The following CDH4 variants were observed in gnomAD, a reference collection of about 807,000 sequenced individuals.
The protein encoded by CDH4 is cadherin-4.
In CDH4, 33 loss-of-function variants were observed where a neutral mutation model predicts 86.0. The observed-to-expected ratio is 0.38, with a 90% CI of 0.29 to 0.51. The LOEUF (loss-of-function observed/expected upper bound fraction) is 0.51, where lower values mean the gene tolerates loss of function less well. CDH4 is among the 20% of genes least tolerant of loss of function. CDH4 has a pLI of 0.86. For synonymous variants in CDH4, 555 were observed against 549.4 expected, an observed-to-expected ratio of 1.01 and a Z score of -0.14; for missense variants, 1,114 against 1,307.4, an observed-to-expected ratio of 0.85 and a Z score of 2.28.
At chr20:61,883,089 C>T (rs939015641) in intron 7 of CDH4, among the ~76,000 whole-genome samples, 7 of 151,738 alleles carry the variant, frequency 4.6e-5, no homozygotes, top group Non-Finnish European at 8.8e-5. Flanking sequence ...CGGCCCCATT[C>T]CCCCGGCACC....
chr20:61,498,262 C>T (rs1463934870), intron 2 of CDH4, among the ~76,000 whole-genome samples: 1 of 151,878 alleles, frequency 6.6e-6, no homozygotes, highest in African/African-American at 2.4e-5. Flanking sequence ...CAAATAAACA[C>T]ACAAGACTAG....
Position 61,778,095 on chromosome 20 carries a change from C to G in CDH4, c.576+4913C>G, listed in dbSNP as rs375273523. ...GCCACCTCCCTCCCTCCACCCTCCCCTCTATCTTCCATTGAATTCTTATCT... is the reference window on the plus strand; with the variant it reads ...GCCACCTCCCTCCCTCCACCCTCCCGTCTATCTTCCATTGAATTCTTATCT... On this transcript the variant is annotated intron_variant, in intron 4 of 15. Coordinates refer to ENST00000614565, the MANE Select transcript of CDH4 (RefSeq NM_001794.5). Among the ~76,000 whole-genome samples, 5 of 152,268 alleles carry G rather than the reference C, an allele frequency of 3.3e-5. No individual in the cohort carries two copies. In the East Asian group the frequency reaches 5.8e-4, roughly 18 times the overall value.
intron 2 of CDH4, among the ~76,000 whole-genome samples, chr20:61,604,699 A>C (rs2086629025): frequency 6.6e-6 from 1 of 152,074 alleles, no homozygotes; most frequent in Non-Finnish European, 1.5e-5. Context: ...CATCCCTCTA[A>C]CACACAGACA....
chr20:61,615,157 C>A (rs2086715528), intron 2 of CDH4, among the ~76,000 whole-genome samples: 1 of 151,666 alleles, frequency 6.6e-6, no homozygotes, highest in African/African-American at 2.4e-5. Context: ...GAGTCTCACT[C>A]TGTCACCCAG....
rs113846288 is a variant in CDH4, at chr20:61,535,006, A to G, written c.170-208557A>G. On this transcript the variant is annotated intron_variant, in intron 2 of 15. Coordinates refer to ENST00000614565, the MANE Select transcript of CDH4 (RefSeq NM_001794.5). Reference sequence around the variant, plus strand: ...GCCCTGCTCACTTAAAGGGACAATCAAATAGATGAATTCCCTCCTCCTGGT... The same window carrying G: ...GCCCTGCTCACTTAAAGGGACAATCGAATAGATGAATTCCCTCCTCCTGGT... Among the ~76,000 whole-genome samples, 436 of 151,484 alleles carry G rather than the reference A, an allele frequency of 2.9e-3. 7 individuals are homozygous for G. The highest frequency in any genetic ancestry group is 0.01 in the African/African-American group (411 of 40,852).
At chr20:61,349,151 C>G in intron 2 of CDH4, among the ~76,000 whole-genome samples, 1 of 152,226 alleles carries the variant, frequency 6.6e-6, no homozygotes, top group African/African-American at 2.4e-5. Context: ...GAACATGGGC[C>G]ACTTCTCAGG....
chr20:61,845,609 C>T (rs1982416201), intron 5 of CDH4, among the ~76,000 whole-genome samples: 1 of 152,260 alleles, frequency 6.6e-6, no homozygotes, highest in Non-Finnish European at 1.5e-5. Flanking sequence ...CCGACCTGCC[C>T]CTGGCCAGAT....
chr20:61,323,266 G>A lies in CDH4; in HGVS notation c.169+68329G>A, dbSNP rs559724705. Reference sequence around the variant, plus strand: ...TAGCTGCAGGGCAGCCCAGTGTCCCGAGTGGGTGGCAGGTCAGCCCCTGTC... The same window carrying A: ...TAGCTGCAGGGCAGCCCAGTGTCCCAAGTGGGTGGCAGGTCAGCCCCTGTC... On this transcript the variant is annotated intron_variant, in intron 2 of 15. Transcript: ENST00000614565. 8.5e-5 allele frequency among the ~76,000 whole-genome samples: 13 copies of A among 152,256 alleles called. No individual in the cohort carries two copies. The South Asian group carries it at 1.0e-3, about 12-fold the overall frequency.
intron 2 of CDH4, among the ~76,000 whole-genome samples, chr20:61,560,594 C>A (rs1052823436): frequency 1.3e-5 from 2 of 152,178 alleles, no homozygotes; most frequent in Non-Finnish European, 2.9e-5. Context: ...CACTCCAGCG[C>A]CTTCATGTGG....
At chr20:61,423,547 C>G (rs2085191958) in intron 2 of CDH4, among the ~76,000 whole-genome samples, 1 of 152,144 alleles carries the variant, frequency 6.6e-6, no homozygotes. Flanking sequence ...ATTGCAAACG[C>G]ACTCGGATGA....
At chr20:61,327,162 C>T (rs2084541252) in intron 2 of CDH4, among the ~76,000 whole-genome samples, 1 of 152,038 alleles carries the variant, frequency 6.6e-6, no homozygotes, top group African/African-American at 2.4e-5. Context: ...CATCTTTTAT[C>T]TAAAAAAATG....
At chr20:61,534,601 T>C (rs1474581644) in intron 2 of CDH4, among the ~76,000 whole-genome samples, 3 of 151,720 alleles carry the variant, frequency 2.0e-5, no homozygotes, top group Admixed American at 6.6e-5. Context: ...GTCCTCTCCT[T>C]CTGCAGGGAT....
intron 9 of CDH4, among the ~76,000 whole-genome samples, chr20:61,911,406 G>A (rs1168668383): frequency 6.6e-6 from 1 of 152,210 alleles, no homozygotes; most frequent in Non-Finnish European, 1.5e-5. Context: ...TCCCCTGGAA[G>A]GGCAGATTGG....
rs145761317 is a variant in CDH4, at chr20:61,712,104, C to T, written c.170-31459C>T. Among the ~76,000 whole-genome samples the T allele has an allele frequency of 2.0e-5, 3 of 152,162 alleles. No individual in the cohort carries two copies. In the East Asian group the frequency reaches 5.8e-4, roughly 30 times the overall value. ...TCAGCCAGACATGGTGGTGCAGGGA[C>T]GGAGGGTCTTCCACGTGGATGATGG... On this transcript the variant is annotated intron_variant, in intron 2 of 15. Coordinates refer to ENST00000614565, the MANE Select transcript of CDH4 (RefSeq NM_001794.5).
At chr20:61,397,554 A>G (rs1358990141) in intron 2 of CDH4, among the ~76,000 whole-genome samples, 1 of 152,140 alleles carries the variant, frequency 6.6e-6, no homozygotes, top group Admixed American at 6.5e-5. Context: ...TACTGGAGGT[A>G]GCCCCATATC....
At chr20:61,568,290 A>G (rs2086315317) in intron 2 of CDH4, among the ~76,000 whole-genome samples, 1 of 152,144 alleles carries the variant, frequency 6.6e-6, no homozygotes, top group South Asian at 2.1e-4. Flanking sequence ...TGATTTCCCC[A>G]TGCTCTTCTC....
intron 2 of CDH4, among the ~76,000 whole-genome samples, chr20:61,673,310 GAGTCCA>G (rs1302974965): frequency 6.6e-6 from 1 of 152,202 alleles, no homozygotes; most frequent in Admixed American, 6.5e-5. Flanking sequence ...GCTGCAGCAT[GAGTCCA>G]TCCTGGAAGG....
intron 2 of CDH4, among the ~76,000 whole-genome samples, chr20:61,359,518 G>T (rs2084772444): frequency 6.6e-6 from 1 of 152,232 alleles, no homozygotes; most frequent in Admixed American, 6.5e-5. Context: ...GGTTTGAAGG[G>T]CGTAGGAGTC....
rs75227111 is a variant in CDH4, at chr20:61,288,569, C to T, written c.169+33632C>T. Among the ~76,000 whole-genome samples the T allele has an allele frequency of 8.7e-4, 133 of 152,334 alleles. 1 individual carries two copies. The East Asian group carries it at 0.022, about 26-fold the overall frequency. ...TCCTGATGAATGAGCTCTGTGCAGC[C>T]AGGCCCTGATGCCCATGGTGGTCTC... On this transcript the variant is annotated intron_variant, in intron 2 of 15. Coordinates refer to ENST00000614565, the MANE Select transcript of CDH4 (RefSeq NM_001794.5).
Sources: gnomAD v4.1 joint callset for allele counts (sites outside exome capture counted in the v4.1 genomes callset) on GRCh38, gnomAD v4.1.1 for gene constraint, MANE v1.5 for transcripts, NCBI Gene and HGNC (gene_info 2026-07-23, HGNC 2026-07-21) for gene names.